TRIM31: variants seen among roughly 807,000 people sequenced by gnomAD.
The protein encoded by TRIM31 is tripartite motif containing 31, also known as E3 ubiquitin-protein ligase TRIM31.
TRIM31 carries 31 observed loss-of-function variants against 40.6 expected under a neutral mutation model. The ratio of observed to expected loss-of-function variants is 0.76; its 90% CI spans 0.57 to 1.03. The LOEUF (loss-of-function observed/expected upper bound fraction) is 1.03, where lower values mean the gene tolerates loss of function less well. TRIM31 is among the 50% of genes least tolerant of loss of function. TRIM31 has a pLI of 0.00. For synonymous variants in TRIM31, 164 were observed against 193.9 expected (o/e 0.85, Z 1.28); for missense variants, 455 against 497.5 (o/e 0.91, Z 0.81).
chr6:30,110,037 A>AC lies in TRIM31; in HGVS notation c.744+410_744+411insG, dbSNP rs72349956. 8.2e-3 allele frequency among the ~76,000 whole-genome samples: 1,237 copies of AC among 150,994 alleles called. 21 individuals carry two copies. Among genetic ancestry groups the AC allele is most frequent in the African/African-American group, 0.028 (1,176 of 41,306 alleles). On this transcript the variant is annotated intron_variant, in intron 4 of 8. Coordinates refer to ENST00000376734, the MANE Select transcript of TRIM31 (RefSeq NM_007028.5). ...TTCAAAGACTCAGTGTAAAAAAAAAAAAAAAAAAAACCACCAAAAACCCAG... is the reference window on the plus strand; with the variant it reads ...TTCAAAGACTCAGTGTAAAAAAAAAACAAAAAAAAAACCACCAAAAACCCAG...
intron 4 of TRIM31, among the ~76,000 whole-genome samples, chr6:30,110,114 G>GATAATATTTC (rs1769149152): frequency 6.6e-6 from 1 of 150,770 alleles, no homozygotes; most frequent in South Asian, 2.1e-4. Flanking sequence ...AGGCTGAAAG[G>GATAATATTTC]ATAATATTTC....
In TRIM31 at chr6:30,109,023, T is replaced by C. The variant is rs62624473; in HGVS notation, c.767+3A>G. 4.6e-3 allele frequency: 7,458 copies of C among 1,613,026 alleles called. 126 individuals are homozygous for C. The highest frequency in any genetic ancestry group is 7.4e-3 in the Middle Eastern group (45 of 6,062). On this transcript the variant is annotated splice_donor_region_variant and intron_variant, in intron 5 of 8. Coordinates refer to ENST00000376734, the MANE Select transcript of TRIM31 (RefSeq NM_007028.5). ...AAAATACATTTGGGGTGGCCCATCA[T>C]ACCTGCACAAGACGACTTTGATATC...
rs1768896872 is a variant in TRIM31 at position 30,108,070 on chromosome 6, C to T, written c.866G>A (p.Ser289Asn). 1.2e-6 allele frequency: 2 copies of T among 1,602,940 alleles called. No homozygotes were observed. The highest frequency in any genetic ancestry group is 1.1e-5 in the South Asian group (1 of 90,842). The part of the protein sequence containing the change: ...AKSRHDSITG[S>N]LKKFKDQLQA... ...TTCCTTACCTTTGAATTTTTTTAGG[C>T]TCCCTGTGATGGAGTCATGTCTTGA... The change falls in exon 6 of 9, where the codon AGC (serine) becomes AAC (asparagine). Residue 289 changes from serine (S) to asparagine (N), a missense_variant. Physicochemically the swap from Ser to Asn is conservative, Grantham distance 46 (BLOSUM62 1). Transcript: ENST00000376734.
intron 3 of TRIM31, among the ~76,000 whole-genome samples, chr6:30,111,065 T>G (rs998621763): frequency 2.9e-5 from 4 of 138,208 alleles, no homozygotes; most frequent in African/African-American, 1.1e-4. Context: ...AGTCTCTCAC[T>G]CTGTCACTCA....
chr6:30,111,349 T>G, intron 3 of TRIM31: 1 of 396,598 alleles, frequency 2.5e-6, no homozygotes, highest in Non-Finnish European at 4.5e-6. Context: ...CTTCATTTTC[T>G]AATTGGGGAA....
intron 5 of TRIM31, chr6:30,108,740 A>G: frequency 1.8e-6 from 1 of 560,362 alleles, no homozygotes; most frequent in Admixed American, 3.0e-5. Flanking sequence ...GAGACAGAGT[A>G]GGGGACCCAG....
At chr6:30,107,988 T>C in intron 6 of TRIM31, 65 bp downstream of exon 6, 1 of 1,076,684 alleles carries the variant, frequency 9.3e-7, no homozygotes, top group South Asian at 1.4e-5. Context: ...TCCATTTCAG[T>C]GGAGTGAGCA....
chr6:30,112,553 C>G lies in TRIM31; in HGVS notation c.253G>C (p.Glu85Gln), dbSNP rs1347744403. 6.2e-7 allele frequency: 1 copy of G among 1,613,028 alleles called. No homozygotes were observed. Among genetic ancestry groups the G allele is most frequent in the Non-Finnish European group, 8.5e-7 (1 of 1,180,056 alleles). The part of the protein sequence containing the change: ...VEKIQALQAS[E>Q]VQSKRKEATC... ...GCCTCTTTCCTTTTGGACTGCACCT[C>G]AGAGGCTTGTAGAGCTTGGATTTTC... The change falls in exon 2 of 9, where the codon GAG becomes CAG. Residue 85 changes from glutamate (E) to glutamine (Q), a missense_variant. Physicochemically the swap from Glu to Gln is conservative, Grantham distance 29 (BLOSUM62 2). Coordinates refer to ENST00000376734, the MANE Select transcript of TRIM31 (RefSeq NM_007028.5).
At position 30,103,390 on chromosome 6, in the gene TRIM31, C is replaced by T; in HGVS notation, c.*146G>A. 2 of 1,119,536 alleles carry T rather than the reference C, an allele frequency of 1.8e-6. No homozygotes were observed. Among genetic ancestry groups the T allele is most frequent in the South Asian group, 2.9e-5 (2 of 68,236 alleles). The allele number at this position is 1,119,536 out of a possible 1,614,324, so 69.4% of individuals were successfully genotyped here. ...CCACCCCCGCCCCCATCTCCACTCT[C>T]AGTAGCCCGAGCCCTCCCATTCTCC... On this transcript the variant is annotated 3_prime_UTR_variant, in exon 9 of 9. Coordinates refer to ENST00000376734, the MANE Select transcript of TRIM31 (RefSeq NM_007028.5).
At chr6:30,110,266 A>T (rs964926417) in intron 4 of TRIM31, among the ~76,000 whole-genome samples, 182 bp downstream of exon 4, 2 of 152,222 alleles carry the variant, frequency 1.3e-5, no homozygotes, top group Non-Finnish European at 1.5e-5. Context: ...ATATTTATGA[A>T]TTACATATGT....
rs751625566 is a variant in TRIM31 at position 30,111,734 on chromosome 6, G to C, written c.427C>G (p.Gln143Glu). ...EAAQNYQGQI[Q>E]EQIQVLQQKE... is the part of the protein sequence containing the mutation. ...TGCTGCAAGACTTGGATCTGCTCTTGAATCTGCCCCTGCGGAAAGAGGGCC... is the reference window on the plus strand; with the variant it reads ...TGCTGCAAGACTTGGATCTGCTCTTCAATCTGCCCCTGCGGAAAGAGGGCC... The change falls in exon 3 of 9, where the codon CAA (glutamine) becomes GAA (glutamate). Residue 143 changes from glutamine (Q) to glutamate (E), a missense_variant. Coordinates refer to ENST00000376734, the MANE Select transcript of TRIM31 (RefSeq NM_007028.5). The C allele has an allele frequency of 1.2e-6, 2 of 1,614,212 alleles. No homozygotes were observed. The highest frequency in any genetic ancestry group is 1.7e-6 in the Non-Finnish European group (2 of 1,180,046).
Position 30,111,647 on chromosome 6 carries a change from C to G in TRIM31, c.513+1G>C. ...AGATCGTGGGATGGAGTTTTTCTTA[C>G]CGTGAAGACATCGACCCTGTGTACA... On this transcript the variant is annotated splice_donor_variant, in intron 3 of 8. Transcript: ENST00000376734. LOFTEE classifies it high-confidence loss of function. 2.5e-6 allele frequency: 4 copies of G among 1,613,894 alleles called. No homozygotes were observed. The highest frequency in any genetic ancestry group is 2.5e-6 in the Non-Finnish European group (3 of 1,179,838).
In TRIM31 at chr6:30,111,709, T is replaced by A. The variant is rs145235892; in HGVS notation, c.452A>T (p.Gln151Leu). The A allele has an allele frequency of 2.5e-6, 4 of 1,614,246 alleles. No individual in the cohort carries two copies. Among genetic ancestry groups the A allele is most frequent in the Non-Finnish European group, 3.4e-6 (4 of 1,180,042 alleles). ...CACTTGTACTGTCTCCTTCTCCTTT[T>A]GCTGCAAGACTTGGATCTGCTCTTG... The part of the protein sequence containing the change: ...QIQEQIQVLQ[Q>L]KEKETVQVKA... The change falls in exon 3 of 9, where the codon CAA becomes CTA. Residue 151 changes from glutamine to leucine, a missense_variant. By Grantham distance (113) the Gln-to-Leu change is moderately radical. Coordinates refer to ENST00000376734, the MANE Select transcript of TRIM31 (RefSeq NM_007028.5).
At chr6:30,105,524 A>T in intron 6 of TRIM31, 1 of 251,154 alleles carries the variant, frequency 4.0e-6, no homozygotes. Context: ...TCTAGTAGTC[A>T]CATTTAAAAA....
Position 30,112,760 on chromosome 6 carries a change from A to G in TRIM31, c.46T>C (p.Cys16Arg). The change falls in exon 2 of 9, where the codon TGC becomes CGC. Residue 16 changes from cysteine to arginine, a missense_variant. Cys to Arg is a radical substitution (Grantham distance 180). Transcript: ENST00000376734. ...TGCAGAATGTCCAGGCAGATGGGGC[A>G]GATCACTTCCTCTTGCAGTTTGTTC... Reference protein sequence around the residue: ...FVNKLQEEVICPICLDILQKP... With the variant: ...FVNKLQEEVIRPICLDILQKP... The G allele has an allele frequency of 2.5e-6, 4 of 1,612,760 alleles. No homozygotes were observed. Among genetic ancestry groups the G allele is most frequent in the Non-Finnish European group, 3.4e-6 (4 of 1,179,890 alleles).
rs750490603 is a variant in TRIM31, at chr6:30,104,118, G to A, written c.1008C>T (p.Pro336=). Residue 336 remains proline (P), a synonymous_variant, in exon 8 of 9, where the codon CCC becomes CCT. Coordinates refer to ENST00000376734, the MANE Select transcript of TRIM31 (RefSeq NM_007028.5). ...NNHKMNKTSE[P]GSSSAGGRTT... ...GACTCTTACCTGCAGAAGATGACCCGGGCTCTGAGGTTTTGTTCATTTTAT... is the reference window on the plus strand; with the variant it reads ...GACTCTTACCTGCAGAAGATGACCCAGGCTCTGAGGTTTTGTTCATTTTAT... 7 of 1,612,826 alleles carry A rather than the reference G, an allele frequency of 4.3e-6. No individual in the cohort carries two copies. Among genetic ancestry groups the A allele is most frequent in the African/African-American group, 1.3e-5 (1 of 74,860 alleles).
At chr6:30,111,917 T>C (rs912350106) in intron 2 of TRIM31, 174 bp from the exon 3 acceptor site, 10 of 634,908 alleles carry the variant, frequency 1.6e-5, no homozygotes, top group Non-Finnish European at 2.2e-5. Context: ...GGGAGAAATC[T>C]GGAGCCTAAG....
chr6:30,111,888 G>A, intron 2 of TRIM31, 145 bp from the exon 3 acceptor site: 1 of 733,004 alleles, frequency 1.4e-6, no homozygotes, highest in Non-Finnish European at 2.3e-6. Flanking sequence ...AAGCTGGCGG[G>A]GAAAGGGGTT....
At chr6:30,108,908 A>G (rs1769015642) in intron 5 of TRIM31, 118 bp downstream of exon 5, 3 of 1,075,178 alleles carry the variant, frequency 2.8e-6, no homozygotes, top group Non-Finnish European at 4.3e-6. Flanking sequence ...GTATGAATGC[A>G]GAGTTAGAGG....
Sources: gnomAD v4.1 joint callset for allele counts (sites outside exome capture counted in the v4.1 genomes callset) on GRCh38, gnomAD v4.1.1 for gene constraint, MANE v1.5 for transcripts, NCBI Gene and HGNC (gene_info 2026-07-23, HGNC 2026-07-21) for gene names.